The following GPR39 variants were observed in gnomAD, a reference collection of about 807,000 sequenced individuals.
GPR39 encodes zinc sensing receptor.
A neutral mutation model predicts 18.4 loss-of-function variants in GPR39; 23 were observed. The observed-to-expected ratio is 1.25, with a 90% CI of 0.90 to 1.77. The LOEUF is 1.77. Ranked by LOEUF, GPR39 falls within the 40% of genes most tolerant of loss-of-function variation. The pLI is 0.00. For missense variants in GPR39, 647 were observed against 602.4 expected (o/e 1.07, Z -0.78); for synonymous variants, 280 against 257.9 (o/e 1.09, Z -0.82).
At chr2:132,493,473 T>TATATATATACACC (rs1681560108) in intron 1 of GPR39, among the ~76,000 whole-genome samples, 1 of 132,530 alleles carries the variant, frequency 7.5e-6, no homozygotes, top group Admixed American at 7.8e-5. Flanking sequence ...ATATACACCA[T>TATATATATACACC]ATATATATAT....
chr2:132,529,629 C>T (rs1046468045), intron 1 of GPR39, among the ~76,000 whole-genome samples: 7 of 152,330 alleles, frequency 4.6e-5, no homozygotes, highest in East Asian at 1.9e-4. Context: ...ACACCTCACA[C>T]GGCCGGGTAC....
At chr2:132,549,841 A>G (rs759438960) in intron 1 of GPR39, among the ~76,000 whole-genome samples, 1 of 152,190 alleles carries the variant, frequency 6.6e-6, no homozygotes, top group Non-Finnish European at 1.5e-5. Context: ...AGAATCTCAT[A>G]TAACGAATGG....
intron 1 of GPR39, among the ~76,000 whole-genome samples, chr2:132,531,381 T>C (rs1310824543): frequency 6.6e-6 from 1 of 151,744 alleles, no homozygotes; most frequent in African/African-American, 2.4e-5. Context: ...GCAAAGAGAC[T>C]TAGACTCCCA....
intron 1 of GPR39, among the ~76,000 whole-genome samples, chr2:132,530,012 T>A (rs1185376735): frequency 6.6e-6 from 1 of 152,124 alleles, no homozygotes; most frequent in Admixed American, 6.5e-5. Context: ...AGAATGACTT[T>A]GACGAGTTGA....
In GPR39 at chr2:132,646,389, C is replaced by G. The variant is rs1408009071; in HGVS notation, c.*783C>G. On this transcript the variant is annotated 3_prime_UTR_variant, in exon 2 of 2. Transcript: ENST00000329321. ...GCTCTTCCTTACTCCTCCCACAGCC[C>G]AGAGACTAGGTGAGGTCAGGGAAGT... The G allele has an allele frequency of 1.6e-6, 1 of 643,420 alleles. No homozygotes were observed. The highest frequency in any genetic ancestry group is 2.4e-6 in the Non-Finnish European group (1 of 416,238). 39.9% of individuals were successfully genotyped at this position (643,420 alleles called of 1,614,324 possible). A position where few individuals can be genotyped will look rare whatever the true frequency, so the allele number is the denominator to read the frequency against.
chr2:132,557,590 G>A (rs1680175635), intron 1 of GPR39, among the ~76,000 whole-genome samples: 1 of 53,724 alleles, frequency 1.9e-5, no homozygotes, highest in South Asian at 9.1e-4. Context: ...TGAAAGAAAG[G>A]ATGAGAGAGA....
intron 1 of GPR39, among the ~76,000 whole-genome samples, chr2:132,425,665 G>T (rs1338022664): frequency 6.6e-6 from 1 of 152,180 alleles, no homozygotes; most frequent in African/African-American, 2.4e-5. Context: ...GAGATTTTCT[G>T]TGTGGATTTA....
At chr2:132,419,511 G>C (rs1242273198) in intron 1 of GPR39, among the ~76,000 whole-genome samples, 2 of 152,196 alleles carry the variant, frequency 1.3e-5, no homozygotes, top group African/African-American at 2.4e-5. Flanking sequence ...AGCCTTTCTG[G>C]AAGTTGTAGT....
chr2:132,519,723 G>T (rs1398638039), intron 1 of GPR39, among the ~76,000 whole-genome samples: 1 of 152,114 alleles, frequency 6.6e-6, no homozygotes, highest in Non-Finnish European at 1.5e-5. Context: ...TACAAACTAG[G>T]CTTCTTGCCA....
intron 1 of GPR39, among the ~76,000 whole-genome samples, chr2:132,616,155 G>C (rs1042725157): frequency 1.3e-5 from 2 of 152,080 alleles, no homozygotes; most frequent in African/African-American, 4.8e-5. Context: ...TTATATGTGG[G>C]TTCTCAGCTG....
At chr2:132,635,567 G>A (rs1293677377) in intron 1 of GPR39, among the ~76,000 whole-genome samples, 3 of 152,114 alleles carry the variant, frequency 2.0e-5, no homozygotes, top group African/African-American at 7.2e-5. Flanking sequence ...GAAAAGCAGG[G>A]GATGAGGAGG....
chr2:132,501,450 A>G (rs1272576939), intron 1 of GPR39, among the ~76,000 whole-genome samples: 1 of 152,162 alleles, frequency 6.6e-6, no homozygotes, highest in African/African-American at 2.4e-5. Context: ...AGTACTTGAT[A>G]TAATTTTGAT....
At chr2:132,502,851 G>T (rs1401300255) in intron 1 of GPR39, among the ~76,000 whole-genome samples, 2 of 152,156 alleles carry the variant, frequency 1.3e-5, no homozygotes, top group Non-Finnish European at 2.9e-5. Flanking sequence ...TGCGTGTTCA[G>T]TTCTGCTGCT....
chr2:132,493,473 TATATATATATACACC>T (rs745619948), intron 1 of GPR39, among the ~76,000 whole-genome samples: 4 of 132,530 alleles, frequency 3.0e-5, no homozygotes, highest in Admixed American at 1.6e-4. Flanking sequence ...ATATACACCA[TATATATATATACACC>T]ATATATATAT....
chr2:132,600,166 A>G (rs918001662), intron 1 of GPR39, among the ~76,000 whole-genome samples: 10 of 152,268 alleles, frequency 6.6e-5, no homozygotes, highest in African/African-American at 2.4e-4. Flanking sequence ...AGTCTATGAA[A>G]AATTCAGGAG....
intron 1 of GPR39, among the ~76,000 whole-genome samples, chr2:132,591,979 C>T (rs138520150): frequency 2.0e-5 from 3 of 152,278 alleles, no homozygotes; most frequent in African/African-American, 4.8e-5. Flanking sequence ...TTTTCATTCC[C>T]ATCAACAATG....
rs528536097 is a variant in GPR39 at position 132,470,336 on chromosome 2, C to T, written c.856+52438C>T. Among the ~76,000 whole-genome samples the T allele has an allele frequency of 3.3e-5, 5 of 152,030 alleles. No homozygotes were observed. In the East Asian group the frequency reaches 5.8e-4, roughly 18 times the overall value. On this transcript the variant is annotated intron_variant, in intron 1 of 1. Coordinates refer to ENST00000329321, the MANE Select transcript of GPR39 (RefSeq NM_001508.3). The stretch of plus-strand genomic sequence containing the variant: ...TCAGTAGGGTAGTTAGGGTGGGCCT[C>T]GATGAGGTGACATTGCAACAAGTCT...
At chr2:132,542,592 C>G (rs954593672) in intron 1 of GPR39, among the ~76,000 whole-genome samples, 2 of 152,156 alleles carry the variant, frequency 1.3e-5, no homozygotes, top group African/African-American at 4.8e-5. Flanking sequence ...GTTGTGGGCA[C>G]AGAGGCTACA....
intron 1 of GPR39, among the ~76,000 whole-genome samples, chr2:132,589,214 C>G (rs1680784685): frequency 6.6e-6 from 1 of 151,928 alleles, no homozygotes; most frequent in Non-Finnish European, 1.5e-5. Context: ...TGGCCATGTC[C>G]CCCCCTCCCC....
Sources: gnomAD v4.1 joint callset for allele counts (sites outside exome capture counted in the v4.1 genomes callset) on GRCh38, gnomAD v4.1.1 for gene constraint, MANE v1.5 for transcripts, NCBI Gene and HGNC (gene_info 2026-07-23, HGNC 2026-07-21) for gene names.